The following DCC variants were observed in gnomAD, a reference collection of about 807,000 sequenced individuals.
The protein encoded by DCC is netrin receptor DCC.
DCC carries 58 observed loss-of-function variants against 172.5 expected under a neutral mutation model. The ratio of observed to expected loss-of-function variants is 0.34; its 90% CI spans 0.27 to 0.42. The LOEUF (loss-of-function observed/expected upper bound fraction) is 0.42. DCC is among the 10% of genes least tolerant of loss of function. The pLI is 1.00. For missense variants in DCC, 1,740 were observed against 1,791.0 expected (o/e 0.97, Z 0.51); for synonymous variants, 709 against 644.5 (o/e 1.10, Z -1.52).
chr18:52,840,159 C>T (rs1282857181), intron 2 of DCC, among the ~76,000 whole-genome samples: 1 of 152,198 alleles, frequency 6.6e-6, no homozygotes, highest in Non-Finnish European at 1.5e-5. Context: ...AAAGGGGTAA[C>T]TTCTTATTGG....
intron 15 of DCC, among the ~76,000 whole-genome samples, chr18:53,345,832 G>T (rs765120659): frequency 1.3e-5 from 2 of 150,992 alleles, no homozygotes; most frequent in African/African-American, 2.4e-5. Context: ...GGTTTTTGAT[G>T]AAAAACCATT....
intron 5 of DCC, among the ~76,000 whole-genome samples, chr18:52,934,153 C>T (rs577633518): frequency 1.3e-5 from 2 of 151,886 alleles, no homozygotes; most frequent in South Asian, 4.2e-4. Context: ...AGCAACTAGT[C>T]CCTACGTAGT....
chr18:53,070,468 C>T (rs2042637724), intron 7 of DCC, among the ~76,000 whole-genome samples: 2 of 152,086 alleles, frequency 1.3e-5, no homozygotes, highest in South Asian at 2.1e-4. Flanking sequence ...TTCAGTCAAC[C>T]CATTATAGAT....
chr18:53,172,710 C>A (rs926130673), intron 8 of DCC, among the ~76,000 whole-genome samples: 1 of 152,058 alleles, frequency 6.6e-6, no homozygotes, highest in African/African-American at 2.4e-5. Context: ...AGATGATAGA[C>A]AAATTGATCC....
Position 52,340,826 on chromosome 18 carries a change from G to A in DCC, c.39G>A (p.Leu13=). ...TTAGATGTGTTTGGGTACCCAAGCT[G>A]GCTTTTGTACTCTTCGGAGCTTCCT... ...NSLRCVWVPK[L]AFVLFGASLF... is the part of the protein sequence containing the mutation. Residue 13 remains leucine (L), a synonymous_variant, in exon 1 of 29, where the codon CTG becomes CTA. Coordinates refer to ENST00000442544, the MANE Select transcript of DCC (RefSeq NM_005215.4). 6.2e-7 allele frequency: 1 copy of A among 1,614,126 alleles called. No individual in the cohort carries two copies. Among genetic ancestry groups the A allele is most frequent in the Non-Finnish European group, 8.5e-7 (1 of 1,180,014 alleles).
intron 2 of DCC, among the ~76,000 whole-genome samples, chr18:52,759,914 A>G (rs1186216528): frequency 2.0e-5 from 3 of 152,232 alleles, no homozygotes; most frequent in Non-Finnish European, 2.9e-5. Context: ...GCTAAGTCTT[A>G]TCAGAGAAGT....
At chr18:52,847,277 A>G (rs2038910119) in intron 2 of DCC, among the ~76,000 whole-genome samples, 1 of 152,168 alleles carries the variant, frequency 6.6e-6, no homozygotes, top group African/African-American at 2.4e-5. Flanking sequence ...AAAATGTTGG[A>G]CAATCTGTAA....
intron 2 of DCC, among the ~76,000 whole-genome samples, chr18:52,763,502 T>C (rs1453250620): frequency 6.6e-6 from 1 of 152,202 alleles, no homozygotes; most frequent in Non-Finnish European, 1.5e-5. Flanking sequence ...TGTTTCCAGT[T>C]ATGTCCCAGC....
chr18:53,421,003 T>A (rs1013284106), intron 21 of DCC, among the ~76,000 whole-genome samples: 1 of 152,174 alleles, frequency 6.6e-6, no homozygotes, highest in Non-Finnish European at 1.5e-5. Context: ...AACATTTGAT[T>A]TCCATTCTTC....
In DCC at chr18:53,435,199, C is replaced by A; in HGVS notation, c.3219C>A (p.Ser1073Arg). ...WPVDTNLIDR[S>R]TLNEPPIGQM... ...TTGATACTAATTTGATTGATAGAAG[C>A]ACCCTAAATGGTAAGTATATAAATT... Residue 1073 changes from serine (S) to arginine (R), a missense_variant, in exon 22 of 29, where the codon AGC becomes AGA. Coordinates refer to ENST00000442544, the MANE Select transcript of DCC (RefSeq NM_005215.4). The A allele has an allele frequency of 6.3e-7, 1 of 1,589,906 alleles. No homozygotes were observed. Among genetic ancestry groups the A allele is most frequent in the Non-Finnish European group, 8.6e-7 (1 of 1,158,248 alleles).
At chr18:52,459,515 T>C (rs1568179735) in intron 1 of DCC, among the ~76,000 whole-genome samples, 1 of 151,772 alleles carries the variant, frequency 6.6e-6, no homozygotes, top group East Asian at 2.0e-4. Context: ...TCGCCCAGGC[T>C]GGAGTGCAGT....
At chr18:52,714,511 G>A (rs1173905218) in intron 1 of DCC, among the ~76,000 whole-genome samples, 1 of 152,154 alleles carries the variant, frequency 6.6e-6, no homozygotes, top group African/African-American at 2.4e-5. Context: ...AGGTAGAAGG[G>A]CATACTGAAC....
At chr18:53,118,687 T>C (rs1377740939) in intron 7 of DCC, among the ~76,000 whole-genome samples, 1 of 151,756 alleles carries the variant, frequency 6.6e-6, no homozygotes, top group Non-Finnish European at 1.5e-5. Flanking sequence ...CTAAACACTT[T>C]AAATACATTA....
intron 1 of DCC, among the ~76,000 whole-genome samples, chr18:52,440,616 T>A (rs935425053): frequency 5.3e-5 from 8 of 152,218 alleles, no homozygotes; most frequent in African/African-American, 1.9e-4. Flanking sequence ...TATTTTATTT[T>A]ATTTCTTAAA....
At chr18:52,988,747 T>C (rs2041334925) in intron 5 of DCC, among the ~76,000 whole-genome samples, 1 of 152,148 alleles carries the variant, frequency 6.6e-6, no homozygotes, top group African/African-American at 2.4e-5. Flanking sequence ...TGAAATTTGC[T>C]GTAACCTTTA....
intron 1 of DCC, among the ~76,000 whole-genome samples, chr18:52,688,658 A>G (rs1381913842): frequency 4.6e-5 from 7 of 152,108 alleles, no homozygotes; most frequent in Non-Finnish European, 8.8e-5. Context: ...AATAAACAAA[A>G]AAAGGGTAAC....
chr18:52,366,014 A>G (rs532949694), intron 1 of DCC, among the ~76,000 whole-genome samples: 3 of 152,334 alleles, frequency 2.0e-5, no homozygotes, highest in Admixed American at 2.0e-4. Flanking sequence ...TTGTTCTTAG[A>G]ATATAGCTTC....
intron 1 of DCC, among the ~76,000 whole-genome samples, chr18:52,537,549 T>C (rs1483676917): frequency 6.6e-6 from 1 of 152,128 alleles, no homozygotes; most frequent in Non-Finnish European, 1.5e-5. Context: ...ACTTGGAGGC[T>C]TAAAATTACA....
At chr18:53,437,424 C>CA (rs1214506275) in intron 22 of DCC, among the ~76,000 whole-genome samples, 2 of 151,382 alleles carry the variant, frequency 1.3e-5, no homozygotes, top group African/African-American at 4.9e-5. Flanking sequence ...ACTAAAAACA[C>CA]AAAAAATTAG....
Sources: allele counts gnomAD v4.1 joint callset (sites outside exome capture counted in the v4.1 genomes callset), GRCh38; gene constraint gnomAD v4.1.1; transcripts MANE v1.5; gene names NCBI Gene and HGNC (gene_info 2026-07-23, HGNC 2026-07-21).